TEX10: variants seen among roughly 807,000 people sequenced by gnomAD.
The protein encoded by TEX10 is testis expressed 10.
Under a neutral mutation model 104.4 loss-of-function variants are expected in TEX10, and 24 were observed. The observed-to-expected ratio is 0.23, with a 90% confidence interval of 0.17 to 0.32. The LOEUF (loss-of-function observed/expected upper bound fraction) is 0.32, where lower values mean the gene tolerates loss of function less well. TEX10 is among the 10% of genes least tolerant of loss of function. TEX10 has a pLI of 1.00. For missense variants in TEX10, 921 were observed against 1,083.9 expected (o/e 0.85, Z 2.11); for synonymous variants, 396 against 393.4 (o/e 1.01, Z -0.08).
intron 13 of TEX10, chr9:100,307,401 T>A (rs1834167648): frequency 6.6e-6 from 1 of 152,136 alleles, no homozygotes; most frequent in South Asian, 2.1e-4. Context: ...ACCTAAAATA[T>A]TTACTAACTA....
intron 9 of TEX10, among the ~76,000 whole-genome samples, chr9:100,323,047 G>A (rs767152668): frequency 2.0e-5 from 3 of 152,116 alleles, no homozygotes; most frequent in Non-Finnish European, 4.4e-5. Flanking sequence ...AAGCACAGAT[G>A]CTCAACACAA....
intron 7 of TEX10, 83 bp from the exon 8 acceptor site, chr9:100,328,045 CTTAAAT>C: frequency 8.8e-7 from 1 of 1,133,388 alleles, no homozygotes. Context: ...TTTTTTTTAA[CTTAAAT>C]ATATCACAAA....
chr9:100,313,570 C>T (rs1028180572), intron 11 of TEX10, among the ~76,000 whole-genome samples: 7 of 151,072 alleles, frequency 4.6e-5, no homozygotes, highest in African/African-American at 9.7e-5. Flanking sequence ...AGAATAGGGT[C>T]GGGCACAGTG....
intron 4 of TEX10, among the ~76,000 whole-genome samples, chr9:100,345,111 T>G (rs1397180100): frequency 6.6e-6 from 1 of 152,230 alleles, no homozygotes; most frequent in Non-Finnish European, 1.5e-5. Flanking sequence ...ATAGCCCTAT[T>G]ATTAATTTTT....
rs186462449 is a variant in TEX10, at chr9:100,332,163, T to C, written c.1251-1994A>G. 5.4e-4 allele frequency among the ~76,000 whole-genome samples: 82 copies of C among 152,384 alleles called. 1 individual carries two copies. The East Asian group carries it at 0.014, about 27-fold the overall frequency. On this transcript the variant is annotated intron_variant, in intron 5 of 14. Transcript: ENST00000374902. Reference sequence around the variant, plus strand: ...ATTTAATAGAAATTACCCATATGACTGCTCCTAGCTGCAAAGAAAACTGGG... The same window carrying C: ...ATTTAATAGAAATTACCCATATGACCGCTCCTAGCTGCAAAGAAAACTGGG...
chr9:100,341,560 C>T (rs1835175430), intron 4 of TEX10, among the ~76,000 whole-genome samples: 1 of 152,090 alleles, frequency 6.6e-6, no homozygotes, highest in Non-Finnish European at 1.5e-5. Context: ...AACAGTCTGG[C>T]TGGCTTTACC....
At position 100,346,090 on chromosome 9, in the gene TEX10, CTGT is replaced by C. The variant is rs1354760456; in HGVS notation, c.1116_1118del (p.Gln373del). The C allele has an allele frequency of 3.1e-6, 5 of 1,612,980 alleles. No individual in the cohort carries two copies. The highest frequency in any genetic ancestry group is 1.7e-4 in the Middle Eastern group (1 of 6,056). On this transcript the variant is annotated inframe_deletion, in exon 4 of 15. Coordinates refer to ENST00000374902, the MANE Select transcript of TEX10 (RefSeq NM_017746.4). ...TTCTCACCAATTTATGGGTTTCATCCTGTTGTTTAGAGAGTTTCCACAGAAGGG... is the reference window on the plus strand; with the variant it reads ...TTCTCACCAATTTATGGGTTTCATCCTGTTTAGAGAGTTTCCACAGAAGGG...
chr9:100,309,567 GT>G (rs1476460741), intron 12 of TEX10, among the ~76,000 whole-genome samples: 2 of 152,176 alleles, frequency 1.3e-5, no homozygotes, highest in Non-Finnish European at 2.9e-5. Context: ...AGGACTGGAA[GT>G]TTGACAGCAG....
intron 4 of TEX10, among the ~76,000 whole-genome samples, chr9:100,341,943 T>G (rs139494259): frequency 6.6e-6 from 1 of 152,204 alleles, no homozygotes; most frequent in Non-Finnish European, 1.5e-5. Context: ...AACCCTCCAG[T>G]GGTCTTTTCG....
Position 100,327,874 on chromosome 9 carries a change from G to A in TEX10, c.1714C>T (p.Gln572Ter), listed in dbSNP as rs1321844338. 1 of 1,609,288 alleles carries A rather than the reference G, an allele frequency of 6.2e-7. No individual in the cohort carries two copies. Among genetic ancestry groups the A allele is most frequent in the African/African-American group, 1.3e-5 (1 of 74,838 alleles). ...GCGGTATGAATGATATCGATAAGCT[G>A]TGTAGAGAGCTCAGGATTTCGGGAG... ...LGSRNPELST[Q>*]LIDIIHTAAA... is the part of the protein sequence containing the mutation. Residue 572 changes from glutamine (Q) to a stop codon, truncating the protein, a stop_gained, in exon 8 of 15, where the codon CAG (glutamine) becomes TAG (stop). Coordinates refer to ENST00000374902, the MANE Select transcript of TEX10 (RefSeq NM_017746.4). LOFTEE classifies it high-confidence loss of function.
intron 8 of TEX10, 68 bp downstream of exon 8, chr9:100,327,719 T>G (rs988868738): frequency 3.0e-6 from 4 of 1,339,336 alleles, no homozygotes; most frequent in Non-Finnish European, 3.9e-6. Context: ...GAGCTCCCCT[T>G]AAAAACTTCT....
intron 5 of TEX10, among the ~76,000 whole-genome samples, chr9:100,331,533 G>C (rs1834862514): frequency 1.3e-5 from 2 of 152,186 alleles, no homozygotes; most frequent in African/African-American, 4.8e-5. Flanking sequence ...TTAGTCTTGA[G>C]CAAGGGCACA....
rs186772584 is a variant in TEX10, at chr9:100,326,206, T to C, written c.1979+96A>G. The C allele has an allele frequency of 1.5e-3, 1,842 of 1,266,526 alleles. 4 individuals carry two copies. Among genetic ancestry groups the C allele is most frequent in the Non-Finnish European group, 1.9e-3 (1,705 of 920,138 alleles). 78.5% of individuals were successfully genotyped at this position (1,266,526 alleles called of 1,614,324 possible). A position where few individuals can be genotyped will look rare whatever the true frequency, so the allele number is the denominator to read the frequency against. ...TTGCATTAAGAGTAAATGAAAGTAG[T>C]GTATGCGACTTCAAAAGGCTTCCGT... On this transcript the variant is annotated intron_variant, in intron 9 of 14. Transcript: ENST00000374902.
intron 5 of TEX10, among the ~76,000 whole-genome samples, chr9:100,337,562 T>TAA (rs1835042805): frequency 6.6e-6 from 1 of 152,202 alleles, no homozygotes; most frequent in African/African-American, 2.4e-5. Flanking sequence ...ATAAAGTGTC[T>TAA]CTTTGATTCT....
In TEX10 at chr9:100,339,733, C is replaced by T. The variant is rs377315747; in HGVS notation, c.1250+524G>A. Among the ~76,000 whole-genome samples the T allele has an allele frequency of 7.9e-5, 12 of 151,760 alleles. No individual in the cohort carries two copies. The South Asian group carries it at 2.5e-3, about 31-fold the overall frequency. On this transcript the variant is annotated intron_variant, in intron 5 of 14. Transcript: ENST00000374902. ...CATAACTTGTTCTCACATTTATCTGCTCTTACTTGAGGTAGACATTTTAAA... is the reference window on the plus strand; with the variant it reads ...CATAACTTGTTCTCACATTTATCTGTTCTTACTTGAGGTAGACATTTTAAA...
chr9:100,337,578 C>T (rs986881336), intron 5 of TEX10, among the ~76,000 whole-genome samples: 3 of 152,142 alleles, frequency 2.0e-5, no homozygotes, highest in African/African-American at 7.2e-5. Flanking sequence ...ATTCTGTCCC[C>T]TCAACTCCAG....
chr9:100,318,239 TAAAGAA>T (rs936546892), intron 11 of TEX10, among the ~76,000 whole-genome samples: 3 of 152,154 alleles, frequency 2.0e-5, no homozygotes, highest in African/African-American at 7.2e-5. Flanking sequence ...TATGCGTGGA[TAAAGAA>T]AATGTGATAT....
chr9:100,316,819 C>T (rs1834428339), intron 11 of TEX10, among the ~76,000 whole-genome samples: 1 of 114,042 alleles, frequency 8.8e-6, no homozygotes, highest in Non-Finnish European at 1.7e-5. Flanking sequence ...GATCAACATA[C>T]AAAAATCAGT....
In TEX10 at chr9:100,302,114, A is replaced by C; in HGVS notation, c.*77T>G. The C allele has an allele frequency of 1.2e-6, 1 of 841,886 alleles. No homozygotes were observed. Among genetic ancestry groups the C allele is most frequent in the South Asian group, 2.7e-5 (1 of 36,938 alleles). 52.2% of individuals were successfully genotyped at this position (841,886 alleles called of 1,614,324 possible). On this transcript the variant is annotated 3_prime_UTR_variant, in exon 15 of 15. Transcript: ENST00000374902. ...TAAAAGTTCAGCTTTAATGACAAAGATCTATTACATCAGTCTTTTTCTTCA... is the reference window on the plus strand; with the variant it reads ...TAAAAGTTCAGCTTTAATGACAAAGCTCTATTACATCAGTCTTTTTCTTCA...
Sources: allele counts gnomAD v4.1 joint callset (sites outside exome capture counted in the v4.1 genomes callset), GRCh38; gene constraint gnomAD v4.1.1; transcripts MANE v1.5; gene names NCBI Gene and HGNC (gene_info 2026-07-23, HGNC 2026-07-21).